Variants in TCF3 observed in about 807,000 individuals in gnomAD.
TCF3 encodes transcription factor E2-alpha.
TCF3 carries 54 observed loss-of-function variants against 72.3 expected under a neutral mutation model. The observed-to-expected ratio is 0.75, with a 90% CI of 0.60 to 0.94. The LOEUF is 0.94. TCF3 is among the 40% of genes least tolerant of loss of function. The probability of loss-of-function intolerance (pLI) is 0.00; values close to 1 mark genes in which losing one functional copy is unlikely to be tolerated. For missense variants in TCF3, 1,078 were observed against 934.4 expected, an observed-to-expected ratio of 1.15 and a Z score of -2.00; for synonymous variants, 525 against 412.6, an observed-to-expected ratio of 1.27 and a Z score of -3.30.
At chr19:1,625,053 C>T (rs1417675443) in intron 7 of TCF3, among the ~76,000 whole-genome samples, 6 of 152,200 alleles carry the variant, frequency 3.9e-5, no homozygotes, top group African/African-American at 9.7e-5. Context: ...CCCTATGTTG[C>T]CCAGAATGGT....
chr19:1,648,924 A>G (rs1181179651), intron 2 of TCF3, among the ~76,000 whole-genome samples: 1 of 151,702 alleles, frequency 6.6e-6, no homozygotes, highest in East Asian at 1.9e-4. Context: ...GCCCCACTGT[A>G]CCAGCAGGCA....
chr19:1,622,207 G>T lies in TCF3; in HGVS notation c.669C>A (p.Pro223=). Residue 223 remains proline, a synonymous_variant, in exon 10 of 19, where the codon CCC becomes CCA. Coordinates refer to ENST00000262965, the MANE Select transcript of TCF3 (RefSeq NM_003200.5). The part of the protein sequence containing the change: ...PFYVADGSLH[P]SAELWSPPGQ... ...CCGGGGGACTCCAGAGCTCGGCTGA[G>T]GGGTGCAGGCTGCCATCTGTGGAGG... 1 of 1,556,434 alleles carries T rather than the reference G, an allele frequency of 6.4e-7. No homozygotes were observed. The highest frequency in any genetic ancestry group is 2.4e-5 in the East Asian group (1 of 42,394).
intron 16 of TCF3, chr19:1,616,587 C>G (rs1480034813): frequency 6.6e-6 from 1 of 152,098 alleles, no homozygotes; most frequent in Non-Finnish European, 1.5e-5. Flanking sequence ...GCTGTCCAAG[C>G]AAGTGCTCAA....
rs189875496 is a variant in TCF3 at position 1,615,221 on chromosome 19, C to T, written c.1822+64G>A. 1.1e-5 allele frequency: 17 copies of T among 1,510,676 alleles called. No individual in the cohort carries two copies. The East Asian group carries it at 1.8e-4, about 16-fold the overall frequency. 93.6% of individuals were successfully genotyped at this position (1,510,676 alleles called of 1,614,324 possible). ...CAGGAAGGCGGGCGGGGAAGGAGAA[C>T]GAGGGCAGGAACACGAGGGAGGGTG... On this transcript the variant is annotated intron_variant, in intron 18 of 18. Coordinates refer to ENST00000262965, the MANE Select transcript of TCF3 (RefSeq NM_003200.5). The surrounding 1 kb of genome is among the most constrained non-coding windows in gnomAD (Gnocchi z 7.3).
At chr19:1,645,609 G>A (rs1169907587) in intron 3 of TCF3, among the ~76,000 whole-genome samples, 1 of 152,130 alleles carries the variant, frequency 6.6e-6, no homozygotes, top group Non-Finnish European at 1.5e-5. Flanking sequence ...CGCCCTCTGC[G>A]GAGACCTTCA....
At chr19:1,632,670 A>G (rs893544330) in intron 3 of TCF3, among the ~76,000 whole-genome samples, 1 of 151,996 alleles carries the variant, frequency 6.6e-6, no homozygotes, top group African/African-American at 2.4e-5. Flanking sequence ...CCCACCCACT[A>G]AAGCCCCAGC....
chr19:1,638,397 C>T (rs2064765845), intron 3 of TCF3, among the ~76,000 whole-genome samples: 1 of 152,186 alleles, frequency 6.6e-6, no homozygotes, highest in Non-Finnish European at 1.5e-5. Flanking sequence ...GAGACTGAGT[C>T]TGGCTCTGTC....
chr19:1,620,919 C>CA (rs751807460), intron 13 of TCF3, 49 bp downstream of exon 13: 4 of 1,420,860 alleles, frequency 2.8e-6, no homozygotes, highest in South Asian at 1.6e-5. Context: ...CCCCTCCCCC[C>CA]AAACCCTCAC....
Position 1,619,485 on chromosome 19 carries a change from G to T in TCF3, c.1168-11C>A. The T allele has an allele frequency of 6.4e-7, 1 of 1,567,502 alleles. No individual in the cohort carries two copies. Among genetic ancestry groups the T allele is most frequent in the Non-Finnish European group, 8.6e-7 (1 of 1,159,210 alleles). On this transcript the variant is annotated splice_polypyrimidine_tract_variant and intron_variant, in intron 14 of 18. Coordinates refer to ENST00000262965, the MANE Select transcript of TCF3 (RefSeq NM_003200.5). The stretch of plus-strand genomic sequence containing the variant: ...TTCTATCTTACTCTGCTGCAGGGTG[G>T]GGGGATGGGTGGTGAGGGGCCCAAG...
Position 1,627,824 on chromosome 19 carries a change from G to A in TCF3, c.299-398C>T, listed in dbSNP as rs10417948. On this transcript the variant is annotated intron_variant, in intron 5 of 18. Coordinates refer to ENST00000262965, the MANE Select transcript of TCF3 (RefSeq NM_003200.5). Reference sequence around the variant, plus strand: ...GAGCTCACAGGGGGTGAGGCGGGAAGGGGACAGCAGAGCTCACAGGGGGTG... The same window carrying A: ...GAGCTCACAGGGGGTGAGGCGGGAAAGGGACAGCAGAGCTCACAGGGGGTG... Among the ~76,000 whole-genome samples the A allele has an allele frequency of 3.1e-3, 322 of 104,536 alleles. 2 individuals are homozygous for A. The highest frequency in any genetic ancestry group is 0.012 in the African/African-American group (292 of 24,664). 68.6% of individuals were successfully genotyped at this position (104,536 alleles called of 152,430 possible).
At chr19:1,630,174 C>T (rs1207329135) in intron 5 of TCF3, among the ~76,000 whole-genome samples, 2 of 152,196 alleles carry the variant, frequency 1.3e-5, no homozygotes, top group East Asian at 3.9e-4. Flanking sequence ...CTGGGGCCAT[C>T]GGGGGTATGA....
At chr19:1,633,128 C>T (rs2063922775) in intron 3 of TCF3, among the ~76,000 whole-genome samples, 1 of 152,206 alleles carries the variant, frequency 6.6e-6, no homozygotes, top group Admixed American at 6.5e-5. Flanking sequence ...TCAGAACACT[C>T]ACAGGCAACG....
At chr19:1,616,121 A>T (rs541838122) in intron 16 of TCF3, among the ~76,000 whole-genome samples, 53 of 152,060 alleles carry the variant, frequency 3.5e-4, no homozygotes, top group African/African-American at 1.2e-3. Context: ...CTAAAAGAAC[A>T]CTCTTCTTTT....
chr19:1,639,386 A>G (rs1239627900), intron 3 of TCF3, among the ~76,000 whole-genome samples: 1 of 152,118 alleles, frequency 6.6e-6, no homozygotes, highest in Non-Finnish European at 1.5e-5. Context: ...TCGACCCACA[A>G]CGAAATCCCA....
chr19:1,625,401 C>T (rs1253617562), intron 7 of TCF3, among the ~76,000 whole-genome samples, 175 bp downstream of exon 7: 1 of 152,248 alleles, frequency 6.6e-6, no homozygotes, highest in Non-Finnish European at 1.5e-5. Context: ...CGGCCCCTGC[C>T]TCGACCCCCC....
chr19:1,624,062 C>A lies in TCF3; in HGVS notation c.500-62G>T, dbSNP rs973906634. 5.2e-6 allele frequency: 8 copies of A among 1,542,434 alleles called. No individual in the cohort carries two copies. The Admixed American group carries it at 1.2e-4, about 23-fold the overall frequency. The stretch of plus-strand genomic sequence containing the variant: ...CCATGAGAACAACCCCTGCCCTACA[C>A]CCTGGAGGAGAGACCCTCACAATTC... On this transcript the variant is annotated intron_variant, in intron 7 of 18. Coordinates refer to ENST00000262965, the MANE Select transcript of TCF3 (RefSeq NM_003200.5).
intron 3 of TCF3, among the ~76,000 whole-genome samples, chr19:1,645,980 G>T (rs2066028832): frequency 6.6e-6 from 1 of 152,078 alleles, no homozygotes; most frequent in Admixed American, 6.5e-5. Flanking sequence ...CCCGCACCAC[G>T]CCCTCTCCAG....
intron 4 of TCF3, 64 bp from the exon 5 acceptor site, chr19:1,632,180 T>G (rs2063794636): frequency 1.9e-6 from 3 of 1,576,264 alleles, no homozygotes; most frequent in Admixed American, 1.9e-5. Context: ...CCACCCCGCA[T>G]TACAGCTGGA....
intron 3 of TCF3, among the ~76,000 whole-genome samples, chr19:1,642,761 C>T (rs143549622): frequency 3.9e-5 from 6 of 152,268 alleles, no homozygotes; most frequent in South Asian, 4.1e-4. Flanking sequence ...CCTGAGCCAC[C>T]GCGCCCGGTC....
Sources: allele counts gnomAD v4.1 joint callset (sites outside exome capture counted in the v4.1 genomes callset), GRCh38; gene constraint gnomAD v4.1.1; non-coding constraint Gnocchi (gnomAD v3.1); transcripts MANE v1.5; gene names NCBI Gene and HGNC (gene_info 2026-07-23, HGNC 2026-07-21).